SLC22A23: variants seen among roughly 807,000 people sequenced by gnomAD.
The protein encoded by SLC22A23 is ion transporter protein.
A neutral mutation model predicts 61.0 loss-of-function variants in SLC22A23; 26 were observed. The ratio of observed to expected loss-of-function variants is 0.43; its 90% CI spans 0.31 to 0.59. SLC22A23 has a LOEUF of 0.59. Among genes scored for constraint, SLC22A23 ranks in the 20% least tolerant of loss-of-function variants. SLC22A23 has a pLI of 0.11. For missense variants in SLC22A23, 796 were observed against 934.7 expected, an observed-to-expected ratio of 0.85 and a Z score of 1.94; for synonymous variants, 430 against 413.9, an observed-to-expected ratio of 1.04 and a Z score of -0.47.
chr6:3,452,257 G>A (rs1432899060), intron 1 of SLC22A23, among the ~76,000 whole-genome samples: 1 of 152,156 alleles, frequency 6.6e-6, no homozygotes, highest in Non-Finnish European at 1.5e-5. Context: ...CAGAACACAT[G>A]GCACACTCAA....
At chr6:3,417,196 T>C (rs1036940236) in intron 1 of SLC22A23, among the ~76,000 whole-genome samples, 1 of 152,182 alleles carries the variant, frequency 6.6e-6, no homozygotes, top group Non-Finnish European at 1.5e-5. Context: ...AGCCACTGCC[T>C]GTCACAATGT....
intron 4 of SLC22A23, among the ~76,000 whole-genome samples, chr6:3,302,569 TG>T (rs1223223438): frequency 5.3e-5 from 8 of 152,328 alleles, no homozygotes; most frequent in Middle Eastern, 3.4e-3. Context: ...AGGCATTTGT[TG>T]CTATAAACTT....
At chr6:3,278,712 T>C (rs552683687) in intron 9 of SLC22A23, among the ~76,000 whole-genome samples, 4 of 152,332 alleles carry the variant, frequency 2.6e-5, no homozygotes, top group African/African-American at 9.6e-5. Context: ...AGATGAAGAC[T>C]GAACACCTAA....
rs2127352822 is a variant in SLC22A23 at position 3,297,171 on chromosome 6, A to G, written c.1210+920T>C. Among the ~76,000 whole-genome samples, 1 of 152,336 alleles carries G rather than the reference A, an allele frequency of 6.6e-6. No individual in the cohort carries two copies. Among genetic ancestry groups the G allele is most frequent in the South Asian group, 2.1e-4 (1 of 4,830 alleles). On this transcript the variant is annotated intron_variant, in intron 5 of 9. Coordinates refer to ENST00000406686, the MANE Select transcript of SLC22A23 (RefSeq NM_015482.2). This position sits in a 1 kb window ranked among gnomAD's most constrained non-coding sequence, Gnocchi z 4.3. ...GCCTGTGTCTTCTCTGCTCTAGAATAGCGCCTGAAACACAGCAGGCATCTA... is the reference window on the plus strand; with the variant it reads ...GCCTGTGTCTTCTCTGCTCTAGAATGGCGCCTGAAACACAGCAGGCATCTA...
chr6:3,396,274 C>T (rs1429315151), intron 3 of SLC22A23, among the ~76,000 whole-genome samples: 10 of 152,196 alleles, frequency 6.6e-5, no homozygotes, highest in Non-Finnish European at 1.3e-4. Flanking sequence ...TCCTGTGCCC[C>T]GGAGATGGCC....
chr6:3,323,784 G>A, intron 4 of SLC22A23, 50 bp downstream of exon 4: 1 of 1,563,176 alleles, frequency 6.4e-7, no homozygotes. Context: ...GGGCCTTCAG[G>A]AAGCATGTGC....
chr6:3,349,130 G>A (rs1266657249), intron 3 of SLC22A23, among the ~76,000 whole-genome samples: 3 of 152,206 alleles, frequency 2.0e-5, no homozygotes, highest in Non-Finnish European at 4.4e-5. Context: ...TGGGTGATGG[G>A]GTGCTTCCCA....
chr6:3,397,813 A>G (rs1008220462), intron 3 of SLC22A23, among the ~76,000 whole-genome samples: 1 of 152,292 alleles, frequency 6.6e-6, no homozygotes, highest in East Asian at 1.9e-4. Context: ...TAGCTACTAG[A>G]TGTCTAACTC....
At chr6:3,349,861 AT>A (rs1235974131) in intron 3 of SLC22A23, among the ~76,000 whole-genome samples, 4 of 152,186 alleles carry the variant, frequency 2.6e-5, no homozygotes, top group Admixed American at 1.3e-4. Flanking sequence ...TATTGCTCCC[AT>A]CGCTCTCTGA....
In SLC22A23 at chr6:3,317,358, G is replaced by A. The variant is rs1278630958; in HGVS notation, c.1082+6476C>T. ...CACCTGGAAGGGGCACCTTTCCGCA[G>A]TGTGCACAATTTCAGAGCAGCAGCT... On this transcript the variant is annotated intron_variant, in intron 4 of 9. Transcript: ENST00000406686. The surrounding 1 kb of genome is among the most constrained non-coding windows in gnomAD (Gnocchi z 4.4). 6.6e-6 allele frequency among the ~76,000 whole-genome samples: 1 copy of A among 152,158 alleles called. No homozygotes were observed. The highest frequency in any genetic ancestry group is 2.4e-5 in the African/African-American group (1 of 41,424).
chr6:3,381,675 G>A (rs1481908275), intron 3 of SLC22A23, among the ~76,000 whole-genome samples: 3 of 152,188 alleles, frequency 2.0e-5, no homozygotes, highest in South Asian at 2.1e-4. Flanking sequence ...CCATCTGTGC[G>A]AGGGGGACAG....
intron 3 of SLC22A23, among the ~76,000 whole-genome samples, chr6:3,404,199 T>C (rs1430835975): frequency 6.9e-6 from 1 of 145,364 alleles, no homozygotes; most frequent in African/African-American, 2.7e-5. Flanking sequence ...ACTATTTTCC[T>C]CTGATTTGGA....
rs979440182 is a variant in SLC22A23, at chr6:3,330,742, G to A, written c.914-6740C>T. Among the ~76,000 whole-genome samples, 7 of 152,206 alleles carry A rather than the reference G, an allele frequency of 4.6e-5. No individual in the cohort carries two copies. The highest frequency in any genetic ancestry group is 9.7e-5 in the African/African-American group (4 of 41,450). On this transcript the variant is annotated intron_variant, in intron 3 of 9. Transcript: ENST00000406686. The surrounding 1 kb of genome is among the most constrained non-coding windows in gnomAD (Gnocchi z 4.7). The stretch of plus-strand genomic sequence containing the variant: ...CTACATCTCCCCTTCCGCGTGGAAG[G>A]CGTCCTCTTTCCTCTTAACTTAGGA...
At chr6:3,283,636 C>T (rs1759686574) in intron 9 of SLC22A23, 8 of 589,850 alleles carry the variant, frequency 1.4e-5, no homozygotes, top group Non-Finnish European at 2.1e-5. Flanking sequence ...CTTCCTCCTG[C>T]TGCTGCCTGG....
At chr6:3,371,922 A>G (rs1261385437) in intron 3 of SLC22A23, among the ~76,000 whole-genome samples, 2 of 152,196 alleles carry the variant, frequency 1.3e-5, no homozygotes, top group African/African-American at 4.8e-5. Flanking sequence ...ATCGATTGTA[A>G]GATCCTGATT....
chr6:3,367,708 T>C (rs1765927069), intron 3 of SLC22A23, among the ~76,000 whole-genome samples: 1 of 152,102 alleles, frequency 6.6e-6, no homozygotes, highest in African/African-American at 2.4e-5. Flanking sequence ...CTAGGTGAGG[T>C]TTTCCAGTGG....
intron 3 of SLC22A23, among the ~76,000 whole-genome samples, chr6:3,357,360 G>C (rs567914134): frequency 1.3e-5 from 2 of 152,292 alleles, no homozygotes; most frequent in South Asian, 4.1e-4. Context: ...AAATGGGGTT[G>C]TGGCTCAGCA....
chr6:3,415,672 AACACTG>A (rs1769645006), intron 2 of SLC22A23, 74 bp downstream of exon 2: 2 of 989,714 alleles, frequency 2.0e-6, no homozygotes, highest in Admixed American at 4.1e-5. Context: ...ATGGTAAGCT[AACACTG>A]ACTATTTTTC....
intron 1 of SLC22A23, among the ~76,000 whole-genome samples, chr6:3,426,848 T>G (rs577975707): frequency 6.6e-6 from 1 of 152,360 alleles, no homozygotes; most frequent in East Asian, 1.9e-4. Flanking sequence ...AGTTCTCAGC[T>G]GTAGTAGGTG....
Sources: allele counts gnomAD v4.1 joint callset (sites outside exome capture counted in the v4.1 genomes callset), GRCh38; gene constraint gnomAD v4.1.1; non-coding constraint Gnocchi (gnomAD v3.1); transcripts MANE v1.5; gene names NCBI Gene and HGNC (gene_info 2026-07-23, HGNC 2026-07-21).